The following IL1RAPL2 variants were observed in gnomAD, a reference collection of about 807,000 sequenced individuals.
IL1RAPL2 encodes X-linked interleukin-1 receptor accessory protein-like 2.
IL1RAPL2 carries 3 observed loss-of-function variants against 44.1 expected under a neutral mutation model. The ratio of observed to expected loss-of-function variants is 0.07; its 90% CI spans 0.03 to 0.18. The LOEUF (loss-of-function observed/expected upper bound fraction) is 0.18, where lower values mean the gene tolerates loss of function less well. IL1RAPL2 is among the 10% of genes least tolerant of loss of function. The probability of loss-of-function intolerance (pLI) is 1.00; values close to 1 mark genes in which losing one functional copy is unlikely to be tolerated. For synonymous variants in IL1RAPL2, 181 were observed against 178.8 expected, an observed-to-expected ratio of 1.01 and a Z score of -0.10; for missense variants, 391 against 496.4, an observed-to-expected ratio of 0.79 and a Z score of 2.02.
chrX:105,269,546 C>T (rs1309049176), intron 5 of IL1RAPL2, among the ~76,000 whole-genome samples: 1 of 111,463 alleles, frequency 9.0e-6, no homozygotes, highest in Non-Finnish European at 1.9e-5. Context: ...TCCCTATGAG[C>T]TTTCAAAATA....
intron 2 of IL1RAPL2, among the ~76,000 whole-genome samples, chrX:104,809,131 G>C (rs1307320029): frequency 1.8e-5 from 2 of 111,869 alleles, no homozygotes; most frequent in Non-Finnish European, 3.8e-5. Context: ...ATGGACCACT[G>C]ATAGTTATGT....
In IL1RAPL2 at chrX:105,730,758, C is replaced by CACA. The variant is rs1447386213; in HGVS notation, c.903-9785_903-9783dup. ...ATGGAAATTAATCAACATGTCCCTGCACAACGACTGAGTCAATGAAGAAAT... is the reference window on the plus strand; with the variant it reads ...ATGGAAATTAATCAACATGTCCCTGCACAACAACGACTGAGTCAATGAAGAAAT... On this transcript the variant is annotated intron_variant, in intron 7 of 10. Coordinates refer to ENST00000372582, the MANE Select transcript of IL1RAPL2 (RefSeq NM_017416.2). Among the ~76,000 whole-genome samples the CACA allele has an allele frequency of 5.4e-5, 6 of 111,187 alleles. No individual in the cohort carries two copies. In the East Asian group the frequency reaches 1.7e-3, roughly 32 times the overall value.
intron 2 of IL1RAPL2, among the ~76,000 whole-genome samples, chrX:105,022,128 G>T (rs1217745624): frequency 9.0e-6 from 1 of 110,644 alleles, no homozygotes; most frequent in East Asian, 2.9e-4. Context: ...ATTAGATGCA[G>T]CATCCCATAC....
chrX:105,684,119 C>T (rs2037948418), intron 6 of IL1RAPL2, among the ~76,000 whole-genome samples: 1 of 111,793 alleles, frequency 8.9e-6, no homozygotes, highest in Non-Finnish European at 1.9e-5. Context: ...ATGATCGACA[C>T]AGAATATGGG....
At chrX:104,903,504 A>T (rs2147675148) in intron 2 of IL1RAPL2, among the ~76,000 whole-genome samples, 1 of 112,004 alleles carries the variant, frequency 8.9e-6, no homozygotes, top group African/African-American at 3.2e-5. Context: ...GGCTTATAAC[A>T]AAGGGAAAAG....
At chrX:104,929,389 C>CAT (rs1924845217) in intron 2 of IL1RAPL2, among the ~76,000 whole-genome samples, 1 of 111,801 alleles carries the variant, frequency 8.9e-6, no homozygotes, top group African/African-American at 3.3e-5. Context: ...CCTCTGCTCA[C>CAT]ATTTGTGTTC....
intron 6 of IL1RAPL2, among the ~76,000 whole-genome samples, chrX:105,516,800 GT>G (rs1278316871): frequency 9.0e-6 from 1 of 111,555 alleles, no homozygotes; most frequent in Non-Finnish European, 1.9e-5. Context: ...TTTCATAGAC[GT>G]TTTTTGCAAG....
chrX:105,685,744 T>G (rs1329801650), intron 6 of IL1RAPL2, among the ~76,000 whole-genome samples: 1 of 110,779 alleles, frequency 9.0e-6, no homozygotes, highest in African/African-American at 3.3e-5. Flanking sequence ...CCAAGACACA[T>G]AATTGTCAGA....
chrX:104,938,667 A>G (rs1901220274), intron 2 of IL1RAPL2, among the ~76,000 whole-genome samples: 1 of 76,751 alleles, frequency 1.3e-5, no homozygotes, highest in Non-Finnish European at 2.5e-5. Context: ...TAAATTCACT[A>G]GAGTATACAA....
chrX:105,320,748 A>G (rs1313304835), intron 5 of IL1RAPL2, among the ~76,000 whole-genome samples: 1 of 111,533 alleles, frequency 9.0e-6, no homozygotes, highest in African/African-American at 3.3e-5. Context: ...GTATGTGTGA[A>G]TGTGTAGATG....
intron 2 of IL1RAPL2, among the ~76,000 whole-genome samples, chrX:104,674,084 C>T (rs1930684034): frequency 9.0e-6 from 1 of 111,360 alleles, no homozygotes; most frequent in Non-Finnish European, 1.9e-5. Flanking sequence ...ATTAAATACC[C>T]TTTATTTCTT....
At chrX:104,894,724 G>A (rs1374290625) in intron 2 of IL1RAPL2, among the ~76,000 whole-genome samples, 2 of 111,792 alleles carry the variant, frequency 1.8e-5, no homozygotes, top group African/African-American at 3.3e-5. Flanking sequence ...CTTTGCAATG[G>A]TTTCAAACTT....
chrX:105,233,722 C>G, intron 3 of IL1RAPL2, 96 bp from the exon 4 acceptor site: 1 of 706,650 alleles, frequency 1.4e-6, no homozygotes, highest in Non-Finnish European at 2.1e-6. Context: ...TAGGCAAGGT[C>G]CTAAATGGAA....
At chrX:104,632,897 G>A in intron 1 of IL1RAPL2, among the ~76,000 whole-genome samples, 1 of 111,308 alleles carries the variant, frequency 9.0e-6, no homozygotes, top group Non-Finnish European at 1.9e-5. Context: ...AGTGTTGAGA[G>A]AGGGCATCCC....
chrX:104,676,351 A>G (rs1204493908), intron 2 of IL1RAPL2, among the ~76,000 whole-genome samples: 58 of 110,933 alleles, frequency 5.2e-4, no homozygotes, highest in African/African-American at 1.8e-3. Flanking sequence ...TTTCTCCTTC[A>G]CTTATGAAGC....
chrX:105,728,644 C>T (rs183661457), intron 7 of IL1RAPL2, among the ~76,000 whole-genome samples: 10 of 111,372 alleles, frequency 9.0e-5, no homozygotes, highest in East Asian at 2.8e-4. Context: ...GCCCCTTTGC[C>T]TCTCCCAGTT....
At chrX:104,912,724 A>G (rs1329926657) in intron 2 of IL1RAPL2, among the ~76,000 whole-genome samples, 9 of 111,858 alleles carry the variant, frequency 8.0e-5, no homozygotes, top group Middle Eastern at 4.7e-3. Context: ...ACATGAGCCA[A>G]CTGGTTCAGA....
chrX:104,647,253 G>A (rs55944108), intron 1 of IL1RAPL2: 5 of 380,914 alleles, frequency 1.3e-5, no homozygotes, highest in Admixed American at 1.2e-4. Context: ...GCTGAGAGCT[G>A]GTATGTGATG....
At chrX:104,779,063 A>G (rs868729908) in intron 2 of IL1RAPL2, among the ~76,000 whole-genome samples, 7 of 111,640 alleles carry the variant, frequency 6.3e-5, no homozygotes, top group African/African-American at 1.3e-4. Flanking sequence ...TCTAATTTCC[A>G]TTGACTTCTT....
Sources: gnomAD v4.1 joint callset for allele counts (sites outside exome capture counted in the v4.1 genomes callset) on GRCh38, gnomAD v4.1.1 for gene constraint, MANE v1.5 for transcripts, NCBI Gene and HGNC (gene_info 2026-07-23, HGNC 2026-07-21) for gene names.